Variants in IL1RAPL1 observed in about 807,000 individuals in gnomAD.
The protein encoded by IL1RAPL1 is interleukin-1 receptor accessory protein-like 1.
Under a neutral mutation model 48.4 loss-of-function variants are expected in IL1RAPL1, and 3 were observed. That is an observed-to-expected ratio of 0.06 (90% CI 0.03 to 0.16). The LOEUF is 0.16. IL1RAPL1 is among the 10% of genes least tolerant of loss of function. The pLI is 1.00. For synonymous variants in IL1RAPL1, 185 were observed against 187.7 expected (o/e 0.99, Z 0.12); for missense variants, 349 against 530.6 (o/e 0.66, Z 3.36).
At chrX:29,839,327 G>T (rs777687436) in intron 6 of IL1RAPL1, among the ~76,000 whole-genome samples, 1 of 111,788 alleles carries the variant, frequency 8.9e-6, no homozygotes, top group South Asian at 3.8e-4. Flanking sequence ...AATAAATGTT[G>T]GCCCTCTTTT....
intron 2 of IL1RAPL1, among the ~76,000 whole-genome samples, chrX:28,825,865 ACTT>A (rs1177671185): frequency 5.4e-5 from 6 of 111,374 alleles, no homozygotes; most frequent in Non-Finnish European, 1.1e-4. Context: ...TTCAAGAATT[ACTT>A]CTTTGTAAAT....
chrX:29,933,669 A>G (rs760550443), intron 8 of IL1RAPL1, among the ~76,000 whole-genome samples: 1 of 110,284 alleles, frequency 9.1e-6, no homozygotes, highest in African/African-American at 3.3e-5. Context: ...AAAAAAAAAA[A>G]AAAAGAGAGA....
At chrX:28,781,734 A>G (rs1295290758) in intron 1 of IL1RAPL1, among the ~76,000 whole-genome samples, 1 of 111,132 alleles carries the variant, frequency 9.0e-6, no homozygotes, top group Admixed American at 9.6e-5. Context: ...CAGAATTTTT[A>G]CCACTTACAG....
At chrX:29,132,259 T>C (rs1022292831) in intron 2 of IL1RAPL1, among the ~76,000 whole-genome samples, 10 of 111,728 alleles carry the variant, frequency 9.0e-5, no homozygotes, top group African/African-American at 3.3e-4. Context: ...AATACAGTCA[T>C]ATGCCACATA....
chrX:28,722,254 A>G (rs1281211146), intron 1 of IL1RAPL1, among the ~76,000 whole-genome samples: 6 of 111,063 alleles, frequency 5.4e-5, no homozygotes, highest in Admixed American at 9.6e-5. Flanking sequence ...ATTTGTTTGT[A>G]TCCTCTTTTA....
intron 6 of IL1RAPL1, among the ~76,000 whole-genome samples, chrX:29,902,986 T>G (rs1342854541): frequency 9.0e-6 from 1 of 111,562 alleles, no homozygotes; most frequent in Non-Finnish European, 1.9e-5. Context: ...ACTATGAGCT[T>G]AATATAACGT....
At chrX:29,863,319 T>C (rs1046188079) in intron 6 of IL1RAPL1, among the ~76,000 whole-genome samples, 3 of 111,928 alleles carry the variant, frequency 2.7e-5, no homozygotes, top group Non-Finnish European at 5.6e-5. Context: ...ATGAGCTACA[T>C]TTTATTCTTT....
intron 2 of IL1RAPL1, among the ~76,000 whole-genome samples, chrX:29,070,662 G>A (rs918532918): frequency 3.6e-5 from 4 of 111,302 alleles, no homozygotes; most frequent in African/African-American, 9.8e-5. Context: ...CCTAGTATAC[G>A]TAATGTGGAA....
At chrX:29,787,147 C>T (rs1436164251) in intron 6 of IL1RAPL1, among the ~76,000 whole-genome samples, 1 of 111,437 alleles carries the variant, frequency 9.0e-6, no homozygotes. Context: ...CCCACAGAAA[C>T]CTGGGAGAGG....
chrX:29,405,588 G>C (rs1209973087), intron 5 of IL1RAPL1, among the ~76,000 whole-genome samples: 2 of 104,494 alleles, frequency 1.9e-5, no homozygotes, highest in African/African-American at 7.7e-5. Context: ...GGATGGTCTC[G>C]ATCTCCTGAC....
intron 2 of IL1RAPL1, among the ~76,000 whole-genome samples, chrX:28,945,558 C>G (rs1043548830): frequency 1.8e-5 from 2 of 110,023 alleles, no homozygotes; most frequent in Non-Finnish European, 3.8e-5. Flanking sequence ...AATGAGAACA[C>G]ATGACACAGG....
At chrX:28,613,122 A>G (rs1410564795) in intron 1 of IL1RAPL1, among the ~76,000 whole-genome samples, 1 of 112,187 alleles carries the variant, frequency 8.9e-6, no homozygotes, top group Non-Finnish European at 1.9e-5. Flanking sequence ...AGAGAAGAGA[A>G]AGAAAACCCA....
chrX:29,259,676 G>C (rs1931817662), intron 2 of IL1RAPL1, among the ~76,000 whole-genome samples: 1 of 109,761 alleles, frequency 9.1e-6, no homozygotes, highest in African/African-American at 3.4e-5. Context: ...ATTCTCATCT[G>C]ATCTATATAT....
chrX:28,813,379 A>C (rs775078707), intron 2 of IL1RAPL1, among the ~76,000 whole-genome samples: 1 of 111,321 alleles, frequency 9.0e-6, no homozygotes, highest in Non-Finnish European at 1.9e-5. Context: ...ATTTAATTCC[A>C]TTGTGGTCTG....
intron 2 of IL1RAPL1, among the ~76,000 whole-genome samples, chrX:29,206,194 C>T (rs1400795387): frequency 1.8e-5 from 2 of 111,216 alleles, no homozygotes; most frequent in African/African-American, 6.5e-5. Flanking sequence ...CTGTCATTTG[C>T]TCTGTATACT....
chrX:28,847,968 T>C (rs1478062082), intron 2 of IL1RAPL1, among the ~76,000 whole-genome samples: 2 of 112,102 alleles, frequency 1.8e-5, no homozygotes, highest in African/African-American at 3.2e-5. Flanking sequence ...ATATACACCA[T>C]AGAATACTAT....
chrX:29,656,603 C>A (rs1441894204), intron 5 of IL1RAPL1, among the ~76,000 whole-genome samples: 1 of 110,072 alleles, frequency 9.1e-6, no homozygotes, highest in Non-Finnish European at 1.9e-5. Flanking sequence ...TATTTCATTC[C>A]TTTTTATGGC....
intron 1 of IL1RAPL1, among the ~76,000 whole-genome samples, chrX:28,787,856 T>A (rs1936490422): frequency 9.0e-6 from 1 of 111,677 alleles, no homozygotes; most frequent in Admixed American, 9.6e-5. Flanking sequence ...AAAGGTGTCC[T>A]GTCATAAGTT....
chrX:28,701,312 GTA>G (rs1935293376), intron 1 of IL1RAPL1, among the ~76,000 whole-genome samples: 1 of 111,984 alleles, frequency 8.9e-6, no homozygotes, highest in Admixed American at 9.5e-5. Flanking sequence ...ATGGAACATG[GTA>G]TATGTTTGCT....
Sources: gnomAD v4.1 joint callset for allele counts (sites outside exome capture counted in the v4.1 genomes callset) on GRCh38, gnomAD v4.1.1 for gene constraint, MANE v1.5 for transcripts, NCBI Gene and HGNC (gene_info 2026-07-23, HGNC 2026-07-21) for gene names.